CUX1: variants seen among roughly 807,000 people sequenced by gnomAD.
The protein encoded by CUX1 is protein CASP.
CUX1 carries 31 observed loss-of-function variants against 158.8 expected under a neutral mutation model. That is an observed-to-expected ratio of 0.20 (90% CI 0.15 to 0.26). CUX1 has a LOEUF of 0.26. CUX1 is among the 10% of genes least tolerant of loss of function. The pLI is 1.00. For missense variants in CUX1, 1,589 were observed against 2,014.6 expected (o/e 0.79, Z 4.04); for synonymous variants, 879 against 862.1 (o/e 1.02, Z -0.34).
intron 1 of CUX1, among the ~76,000 whole-genome samples, chr7:101,879,590 G>A (rs1799504772): frequency 6.6e-6 from 1 of 152,198 alleles, no homozygotes; most frequent in African/African-American, 2.4e-5. Flanking sequence ...TACTTCCCCT[G>A]CCCTGGAGGC....
intron 2 of CUX1, among the ~76,000 whole-genome samples, chr7:102,025,519 A>G (rs1363839787): frequency 6.6e-6 from 1 of 151,980 alleles, no homozygotes; most frequent in Non-Finnish European, 1.5e-5. Context: ...TCCCAGCTAC[A>G]TGGGAAGTTG....
At chr7:101,885,908 C>T (rs1261805353) in intron 1 of CUX1, among the ~76,000 whole-genome samples, 3 of 152,176 alleles carry the variant, frequency 2.0e-5, no homozygotes, top group African/African-American at 4.8e-5. Flanking sequence ...GCTCACAGGG[C>T]GGATGCTATT....
chr7:101,932,453 G>T (rs1806396274), intron 2 of CUX1: 1 of 397,920 alleles, frequency 2.5e-6, no homozygotes, highest in African/African-American at 2.1e-5. Context: ...TTGCACTTTT[G>T]CATTTTAAAA....
At chr7:101,875,295 G>T (rs1799017496) in intron 1 of CUX1, among the ~76,000 whole-genome samples, 1 of 152,110 alleles carries the variant, frequency 6.6e-6, no homozygotes, top group Non-Finnish European at 1.5e-5. Context: ...GATGTTTTTT[G>T]TTGTTTTTAG....
chr7:101,845,270 G>A (rs1371104806), intron 1 of CUX1, among the ~76,000 whole-genome samples: 1 of 152,088 alleles, frequency 6.6e-6, no homozygotes, highest in Admixed American at 6.6e-5. Context: ...ACATGTGCGA[G>A]CCCCCATGCC....
chr7:102,188,155 C>T (rs1793826904), intron 11 of CUX1, among the ~76,000 whole-genome samples: 1 of 151,744 alleles, frequency 6.6e-6, no homozygotes, highest in Non-Finnish European at 1.5e-5. Context: ...GCTATGATCG[C>T]ACCACTGCAC....
intron 9 of CUX1, among the ~76,000 whole-genome samples, chr7:102,166,081 G>A (rs977393446): frequency 3.3e-5 from 5 of 152,166 alleles, no homozygotes; most frequent in African/African-American, 1.2e-4. Flanking sequence ...TGTGCCTGGG[G>A]CCACACATGC....
intron 10 of CUX1, among the ~76,000 whole-genome samples, chr7:102,176,459 A>G (rs562071718): frequency 6.6e-6 from 1 of 151,580 alleles, no homozygotes; most frequent in South Asian, 2.1e-4. Context: ...CATAGACACC[A>G]TGCAGCTCTG....
intron 20 of CUX1, among the ~76,000 whole-genome samples, chr7:102,205,478 G>A (rs1488924998): frequency 2.6e-5 from 4 of 152,194 alleles, no homozygotes; most frequent in Non-Finnish European, 4.4e-5. Flanking sequence ...GGGGCTTACC[G>A]TCTGATAGGA....
At chr7:102,276,570 G>A (rs1791621841) in intron 17 of CUX1, among the ~76,000 whole-genome samples, 1 of 152,190 alleles carries the variant, frequency 6.6e-6, no homozygotes, top group Non-Finnish European at 1.5e-5. Context: ...CTAAAGTGCT[G>A]GGATTACAGG....
At chr7:101,988,423 A>C (rs958320306) in intron 2 of CUX1, among the ~76,000 whole-genome samples, 2 of 152,084 alleles carry the variant, frequency 1.3e-5, no homozygotes, top group East Asian at 3.9e-4. Context: ...AAAACACTTC[A>C]TGGGCTGTGG....
chr7:101,855,188 G>A (rs902702735), intron 1 of CUX1, among the ~76,000 whole-genome samples: 6 of 152,262 alleles, frequency 3.9e-5, no homozygotes, highest in Non-Finnish European at 7.3e-5. Context: ...GCTGGACCCC[G>A]TCCCTTGGAG....
chr7:102,258,743 C>T (rs1297264702), downstream of CUX1, among the ~76,000 whole-genome samples: 5 of 152,184 alleles, frequency 3.3e-5, no homozygotes, highest in Non-Finnish European at 7.3e-5. Context: ...AGTGGCGTGG[C>T]CTCAGCCTTC....
At chr7:102,021,787 C>T (rs997009150) in intron 2 of CUX1, among the ~76,000 whole-genome samples, 1 of 152,040 alleles carries the variant, frequency 6.6e-6, no homozygotes, top group East Asian at 1.9e-4. Flanking sequence ...TCTCCAACTC[C>T]TGACCTCAGG....
intron 3 of CUX1, among the ~76,000 whole-genome samples, chr7:102,040,781 C>T (rs1821969029): frequency 6.6e-6 from 1 of 152,162 alleles, no homozygotes; most frequent in Admixed American, 6.5e-5. Flanking sequence ...CCAGTCCAGG[C>T]GCTGCCGCCC....
chr7:101,823,823 A>G (rs2130938287), intron 1 of CUX1, among the ~76,000 whole-genome samples: 1 of 152,318 alleles, frequency 6.6e-6, no homozygotes. Flanking sequence ...GAGAAATAGA[A>G]TGCCTGTCGT....
At chr7:101,999,525 G>A (rs907911327) in intron 2 of CUX1, among the ~76,000 whole-genome samples, 3 of 152,038 alleles carry the variant, frequency 2.0e-5, no homozygotes, top group Non-Finnish European at 4.4e-5. Flanking sequence ...GATTGATGTC[G>A]GCTACATCTA....
At chr7:102,204,776 C>T (rs1554520639) in intron 19 of CUX1, among the ~76,000 whole-genome samples, 1 of 152,224 alleles carries the variant, frequency 6.6e-6, no homozygotes, top group African/African-American at 2.4e-5. Context: ...AGAGATCATG[C>T]CTGTCTAATT....
intron 1 of CUX1, among the ~76,000 whole-genome samples, chr7:101,903,221 G>A (rs1802351165): frequency 6.6e-6 from 1 of 152,122 alleles, no homozygotes. Context: ...GAACACAGGA[G>A]GTAGAAAACA....
Sources: gnomAD v4.1 joint callset for allele counts (sites outside exome capture counted in the v4.1 genomes callset) on GRCh38, gnomAD v4.1.1 for gene constraint, MANE v1.5 for transcripts, NCBI Gene and HGNC (gene_info 2026-07-23, HGNC 2026-07-21) for gene names.